SRGAP3: variants seen among roughly 807,000 people sequenced by gnomAD.
The protein encoded by SRGAP3 is SLIT-ROBO Rho GTPase activating protein 3, also known as SLIT-ROBO Rho GTPase-activating protein 3.
SRGAP3 carries 39 observed loss-of-function variants against 121.1 expected under a neutral mutation model. The observed-to-expected ratio is 0.32, with a 90% confidence interval of 0.25 to 0.42. SRGAP3 has a LOEUF of 0.42. SRGAP3 is among the 10% of genes least tolerant of loss of function. The pLI, the probability that SRGAP3 is intolerant of heterozygous loss-of-function variation, is 1.00. For missense variants in SRGAP3, 1,213 were observed against 1,470.6 expected, an observed-to-expected ratio of 0.82 and a Z score of 2.86; for synonymous variants, 601 against 570.0, an observed-to-expected ratio of 1.05 and a Z score of -0.77.
In SRGAP3 at chr3:8,985,943, A is replaced by G. The variant is rs1414618100; in HGVS notation, c.2887-11T>C. The stretch of plus-strand genomic sequence containing the variant: ...GGTCTTCTCGATGTCCTGGGGACAG[A>G]GGGAGCTGGGGTCAGCACAGTCTGG... On this transcript the variant is annotated splice_polypyrimidine_tract_variant and intron_variant, in intron 21 of 21. Transcript: ENST00000383836. The surrounding 1 kb of genome is among the most constrained non-coding windows in gnomAD (Gnocchi z 5.1). The G allele has an allele frequency of 6.3e-7, 1 of 1,599,626 alleles. No individual in the cohort carries two copies. The highest frequency in any genetic ancestry group is 1.1e-5 in the South Asian group (1 of 91,070).
chr3:9,315,429 T>A (rs1264134949), intron 3 of SRGAP3, among the ~76,000 whole-genome samples: 1 of 152,156 alleles, frequency 6.6e-6, no homozygotes, highest in African/African-American at 2.4e-5. Context: ...CAGGTGAGGG[T>A]CATGTCTTCC....
Position 9,064,682 on chromosome 3 carries a change from C to T in SRGAP3, c.487-101G>A, listed in dbSNP as rs569374049. On this transcript the variant is annotated intron_variant, in intron 4 of 21. Transcript: ENST00000383836. ...TACCAAGTTCTACACTCTAGCTGGC[C>T]ACTGCCCTGGTCCCAAAACACACTC... 2.3e-5 allele frequency: 33 copies of T among 1,415,180 alleles called. No individual in the cohort carries two copies. In the African/African-American group the frequency reaches 3.9e-4, roughly 17 times the overall value. The allele number at this position is 1,415,180 out of a possible 1,614,324, so 87.7% of individuals were successfully genotyped here.
Position 9,047,494 on chromosome 3 carries a change from A to T in SRGAP3, c.1324-19T>A. On this transcript the variant is annotated intron_variant, in intron 9 of 21. Transcript: ENST00000383836. Reference sequence around the variant, plus strand: ...TAAATTTCTGTAAGACACAAGGCACAAGGAAGTTATAGATTGCAAGGCCGA... The same window carrying T: ...TAAATTTCTGTAAGACACAAGGCACTAGGAAGTTATAGATTGCAAGGCCGA... 6.2e-7 allele frequency: 1 copy of T among 1,613,222 alleles called. No homozygotes were observed. Among genetic ancestry groups the T allele is most frequent in the South Asian group, 1.1e-5 (1 of 90,992 alleles).
intron 10 of SRGAP3, among the ~76,000 whole-genome samples, chr3:9,045,504 GTGATAATGATGATGA>G (rs1305653400): frequency 6.6e-6 from 1 of 151,802 alleles, no homozygotes; most frequent in Non-Finnish European, 1.5e-5. Flanking sequence ...ACTAAGTATG[GTGATAATGATGATGA>G]TGATGATGAT....
intron 2 of SRGAP3, among the ~76,000 whole-genome samples, chr3:9,329,695 A>C (rs1388888867): frequency 1.3e-5 from 2 of 152,224 alleles, no homozygotes; most frequent in African/African-American, 4.8e-5. Context: ...CGTTTCAGCA[A>C]CACTGAAAAG....
intron 3 of SRGAP3, among the ~76,000 whole-genome samples, chr3:9,091,243 C>T (rs1312807727): frequency 1.3e-5 from 2 of 152,052 alleles, no homozygotes; most frequent in African/African-American, 2.4e-5. Context: ...TCAAACCCTG[C>T]GTCAGCCAGC....
intron 18 of SRGAP3, among the ~76,000 whole-genome samples, chr3:8,997,488 C>G (rs866785218): frequency 6.6e-6 from 1 of 152,224 alleles, no homozygotes; most frequent in African/African-American, 2.4e-5. Flanking sequence ...CCTCAGAAGG[C>G]TTCCCATGGA....
At chr3:9,108,919 G>T (rs2124927316) in intron 2 of SRGAP3, among the ~76,000 whole-genome samples, 1 of 152,272 alleles carries the variant, frequency 6.6e-6, no homozygotes, top group Middle Eastern at 3.4e-3. Context: ...GAAACTTCCT[G>T]GAAAACAGCA....
At chr3:9,032,842 G>A (rs1574946553) in intron 11 of SRGAP3, 90 bp from the exon 12 acceptor site, 3 of 1,192,878 alleles carry the variant, frequency 2.5e-6, no homozygotes, top group Admixed American at 3.7e-5. Context: ...CGACTAAAGG[G>A]GAACACAAAA....
chr3:9,024,776 G>T (rs1291102459), intron 14 of SRGAP3, among the ~76,000 whole-genome samples: 3 of 152,190 alleles, frequency 2.0e-5, no homozygotes, highest in Non-Finnish European at 4.4e-5. Context: ...TATCCTAAAA[G>T]CCACTCAGTA....
At chr3:9,121,453 G>A (rs1303062381) in intron 2 of SRGAP3, among the ~76,000 whole-genome samples, 1 of 152,206 alleles carries the variant, frequency 6.6e-6, no homozygotes. Context: ...GTCAAAGGGT[G>A]AGTCCAGCCT....
chr3:9,204,278 C>A (rs1346656736), intron 1 of SRGAP3, among the ~76,000 whole-genome samples: 1 of 152,230 alleles, frequency 6.6e-6, no homozygotes, highest in Non-Finnish European at 1.5e-5. Context: ...GAAGTGACAG[C>A]CTCAGGGCCT....
intron 3 of SRGAP3, among the ~76,000 whole-genome samples, chr3:9,286,744 A>G (rs1251085498): frequency 1.3e-5 from 2 of 149,454 alleles, no homozygotes; most frequent in African/African-American, 4.9e-5. Flanking sequence ...CTGGGACTAC[A>G]GGCGCCCGCC....
At chr3:9,359,691 G>C (rs1248993691) in intron 1 of SRGAP3, among the ~76,000 whole-genome samples, 2 of 152,230 alleles carry the variant, frequency 1.3e-5, no homozygotes, top group African/African-American at 2.4e-5. Flanking sequence ...GAGGGCAAGA[G>C]AAGGTCAGAG....
chr3:9,023,307 G>T (rs59721007), intron 14 of SRGAP3, among the ~76,000 whole-genome samples: 6 of 152,168 alleles, frequency 3.9e-5, no homozygotes, highest in Non-Finnish European at 8.8e-5. Context: ...GGAAAATGAA[G>T]AAACAACATT....
chr3:9,050,011 T>C (rs921097130), intron 9 of SRGAP3, among the ~76,000 whole-genome samples: 6 of 152,148 alleles, frequency 3.9e-5, no homozygotes, highest in African/African-American at 1.2e-4. Flanking sequence ...AGCTAATTTT[T>C]GTATTTCTTG....
At chr3:9,136,285 C>T (rs1322408282) in intron 1 of SRGAP3, among the ~76,000 whole-genome samples, 3 of 152,272 alleles carry the variant, frequency 2.0e-5, no homozygotes, top group Non-Finnish European at 4.4e-5. Context: ...GCTTCCGGGA[C>T]GGCCCCGAGG....
At chr3:9,042,823 T>C (rs533934978) in intron 10 of SRGAP3, among the ~76,000 whole-genome samples, 2 of 152,354 alleles carry the variant, frequency 1.3e-5, no homozygotes, top group African/African-American at 4.8e-5. Flanking sequence ...GTTGATTTCC[T>C]GTTCCCCCTC....
At chr3:9,346,821 T>A (rs184353304) in intron 1 of SRGAP3, among the ~76,000 whole-genome samples, 1 of 150,526 alleles carries the variant, frequency 6.6e-6, no homozygotes, top group African/African-American at 2.4e-5. Context: ...AATGGCGCGA[T>A]CCTGGCTCAC....
Sources: allele counts gnomAD v4.1 joint callset (sites outside exome capture counted in the v4.1 genomes callset), GRCh38; gene constraint gnomAD v4.1.1; non-coding constraint Gnocchi (gnomAD v3.1); transcripts MANE v1.5; gene names NCBI Gene and HGNC (gene_info 2026-07-23, HGNC 2026-07-21).